Variants in SHB observed in about 807,000 individuals in gnomAD.
SHB encodes SH2 domain-containing adapter protein B.
SHB carries 20 observed loss-of-function variants against 52.3 expected under a neutral mutation model. The observed-to-expected ratio is 0.38, with a 90% CI of 0.27 to 0.56. The LOEUF (loss-of-function observed/expected upper bound fraction) is 0.56, where lower values mean the gene tolerates loss of function less well. SHB is among the 20% of genes least tolerant of loss of function. The pLI is 0.71. For missense variants in SHB, 825 were observed against 723.3 expected, an observed-to-expected ratio of 1.14 and a Z score of -1.61; for synonymous variants, 397 against 316.5, an observed-to-expected ratio of 1.25 and a Z score of -2.70.
chr9:38,041,994 C>G (rs1216874615), intron 1 of SHB, among the ~76,000 whole-genome samples: 2 of 152,218 alleles, frequency 1.3e-5, no homozygotes, highest in Non-Finnish European at 2.9e-5. Context: ...AAGTCATTAG[C>G]TGGCGCTGCA....
In SHB at chr9:37,943,408, C is replaced by T. The variant is rs78638217; in HGVS notation, c.1346+5227G>A. On this transcript the variant is annotated intron_variant, in intron 5 of 5. Coordinates refer to ENST00000377707, the MANE Select transcript of SHB (RefSeq NM_003028.3). ...AGCTCATTCAGTAACTGACACTGGACGGGGCAGAGCTCATTGGCTGGGCTG... is the reference window on the plus strand; with the variant it reads ...AGCTCATTCAGTAACTGACACTGGATGGGGCAGAGCTCATTGGCTGGGCTG... Among the ~76,000 whole-genome samples, 1,384 of 152,270 alleles carry T rather than the reference C, an allele frequency of 9.1e-3. 18 individuals are homozygous for T. Among genetic ancestry groups the T allele is most frequent in the African/African-American group, 0.031 (1,303 of 41,562 alleles).
At chr9:37,982,975 C>CCCCCA (rs1554702671) in intron 2 of SHB, among the ~76,000 whole-genome samples, 9 of 150,200 alleles carry the variant, frequency 6.0e-5, no homozygotes, top group African/African-American at 2.0e-4. Context: ...TCTCTGGTGC[C>CCCCCA]CCCCCCTCCA....
chr9:37,932,562 CAAAAAAA>C (rs74171537), intron 5 of SHB, among the ~76,000 whole-genome samples: 2 of 86,754 alleles, frequency 2.3e-5, no homozygotes, highest in Admixed American at 2.3e-4. Flanking sequence ...GCTCTAGCCA[CAAAAAAA>C]AAAAAAAAAA....
intron 1 of SHB, among the ~76,000 whole-genome samples, chr9:38,049,840 C>G (rs1821716893): frequency 6.7e-6 from 1 of 149,566 alleles, no homozygotes; most frequent in African/African-American, 2.5e-5. Flanking sequence ...GCTCTTGTTG[C>G]CCAGGCTGGA....
At chr9:37,958,722 G>T (rs932859893) in intron 3 of SHB, among the ~76,000 whole-genome samples, 1 of 152,188 alleles carries the variant, frequency 6.6e-6, no homozygotes, top group African/African-American at 2.4e-5. Context: ...AAAACCTGGA[G>T]CTGGGGCCCT....
chr9:38,011,421 G>A (rs747108913), intron 2 of SHB, among the ~76,000 whole-genome samples: 20 of 152,172 alleles, frequency 1.3e-4, no homozygotes, highest in African/African-American at 4.8e-4. Flanking sequence ...GGGGAAATAG[G>A]ACTGAACAAT....
chr9:38,047,275 G>A (rs1821668297), intron 1 of SHB, among the ~76,000 whole-genome samples: 1 of 152,254 alleles, frequency 6.6e-6, no homozygotes, highest in South Asian at 2.1e-4. Context: ...TCCAATGAGA[G>A]ATGTACCTGA....
At chr9:38,049,949 G>C (rs1396246296) in intron 1 of SHB, among the ~76,000 whole-genome samples, 1 of 152,102 alleles carries the variant, frequency 6.6e-6, no homozygotes, top group Admixed American at 6.5e-5. Context: ...ACAGGCATGT[G>C]CCACCACACC....
Position 37,960,595 on chromosome 9 carries a change from G to A in SHB, c.1055-4541C>T, listed in dbSNP as rs575876188. On this transcript the variant is annotated intron_variant, in intron 3 of 5. Coordinates refer to ENST00000377707, the MANE Select transcript of SHB (RefSeq NM_003028.3). The stretch of plus-strand genomic sequence containing the variant: ...GAGGCTGGTCAATGTTTTTCCAAAA[G>A]TTCTGCCATGGTGGCAGGACTCATT... 8.3e-4 allele frequency among the ~76,000 whole-genome samples: 127 copies of A among 152,336 alleles called. 1 individual carries two copies. Among genetic ancestry groups the A allele is most frequent in the African/African-American group, 2.9e-3 (120 of 41,582 alleles).
At chr9:37,926,059 G>A (rs549877929) in intron 5 of SHB, among the ~76,000 whole-genome samples, 76 of 152,232 alleles carry the variant, frequency 5.0e-4, no homozygotes, top group African/African-American at 1.7e-3. Flanking sequence ...AAGTTTGTGC[G>A]GAATTGAAGG....
intron 2 of SHB, among the ~76,000 whole-genome samples, chr9:37,997,796 G>A (rs1382276221): frequency 6.6e-6 from 1 of 152,226 alleles, no homozygotes; most frequent in African/African-American, 2.4e-5. Context: ...CCCCAGGGCA[G>A]ATGGCCAGCT....
At chr9:38,022,865 G>T (rs181537009) in intron 1 of SHB, among the ~76,000 whole-genome samples, 170 of 152,356 alleles carry the variant, frequency 1.1e-3, no homozygotes, top group African/African-American at 3.9e-3. Flanking sequence ...ACGCTGCCTG[G>T]GAAAGGGAGC....
At position 37,967,228 on chromosome 9, in the gene SHB, C is replaced by T. The variant is rs180822891; in HGVS notation, c.1054+7394G>A. Among the ~76,000 whole-genome samples, 75 of 152,306 alleles carry T rather than the reference C, an allele frequency of 4.9e-4. 1 individual carries two copies. Among genetic ancestry groups the T allele is most frequent in the Admixed American group, 2.5e-3 (39 of 15,300 alleles). On this transcript the variant is annotated intron_variant, in intron 3 of 5. Coordinates refer to ENST00000377707, the MANE Select transcript of SHB (RefSeq NM_003028.3). ...CTCAATAAATGTTAATTTCCTGTCC[C>T]TGGTTCCTCCCCATCCTTCCTTACC... is the stretch of plus-strand genomic sequence containing the variant.
chr9:37,998,214 G>A (rs1820973287), intron 2 of SHB, among the ~76,000 whole-genome samples: 1 of 151,754 alleles, frequency 6.6e-6, no homozygotes, highest in African/African-American at 2.4e-5. Flanking sequence ...TTGGAGGGAG[G>A]AGGGAGGAGG....
rs537429684 is a variant in SHB, at chr9:38,022,192, C to T, written c.718-6061G>A. 1.3e-3 allele frequency among the ~76,000 whole-genome samples: 204 copies of T among 152,322 alleles called. 1 individual carries two copies. Among genetic ancestry groups the T allele is most frequent in the African/African-American group, 4.7e-3 (195 of 41,568 alleles). On this transcript the variant is annotated intron_variant, in intron 1 of 5. Transcript: ENST00000377707. ...GATGAAGTTGTGCCTCCCCTCATCA[C>T]ATTACATACACCCACAGAGTGTTGT... is the stretch of plus-strand genomic sequence containing the variant.
chr9:37,966,216 G>A (rs192221312), intron 3 of SHB, among the ~76,000 whole-genome samples: 2 of 152,336 alleles, frequency 1.3e-5, no homozygotes, highest in East Asian at 1.9e-4. Context: ...CAGGGTCTCT[G>A]ACCTCAGGGA....
chr9:37,941,381 C>T (rs1302186627), intron 5 of SHB, among the ~76,000 whole-genome samples: 1 of 152,202 alleles, frequency 6.6e-6, no homozygotes, highest in Non-Finnish European at 1.5e-5. Flanking sequence ...GATGAGAAAA[C>T]CAAGGCTCAG....
chr9:37,937,674 A>G (rs1367832495), intron 5 of SHB, among the ~76,000 whole-genome samples: 6 of 152,262 alleles, frequency 3.9e-5, no homozygotes, highest in Admixed American at 3.9e-4. Context: ...TAGCCCTAGC[A>G]TTTGAACTGC....
At chr9:37,938,895 T>G (rs913428669) in intron 5 of SHB, among the ~76,000 whole-genome samples, 1 of 152,150 alleles carries the variant, frequency 6.6e-6, no homozygotes, top group African/African-American at 2.4e-5. Flanking sequence ...TTAGGCAGCA[T>G]TGGGAAGGGG....
Sources: gnomAD v4.1 joint callset for allele counts (sites outside exome capture counted in the v4.1 genomes callset) on GRCh38, gnomAD v4.1.1 for gene constraint, MANE v1.5 for transcripts, NCBI Gene and HGNC (gene_info 2026-07-23, HGNC 2026-07-21) for gene names.